The following ZNF574 variants were observed in gnomAD, a reference collection of about 807,000 sequenced individuals.
The protein encoded by ZNF574 is zinc finger protein 574.
Under a neutral mutation model 56.6 loss-of-function variants are expected in ZNF574, and 25 were observed. The ratio of observed to expected loss-of-function variants is 0.44; its 90% CI spans 0.32 to 0.62. ZNF574 has a LOEUF of 0.62. ZNF574 is among the 20% of genes least tolerant of loss of function. The probability of loss-of-function intolerance (pLI) is 0.04; values close to 1 mark genes in which losing one functional copy is unlikely to be tolerated. For synonymous variants in ZNF574, 543 were observed against 492.1 expected (o/e 1.10, Z -1.37); for missense variants, 1,065 against 1,218.9 (o/e 0.87, Z 1.88).
upstream of ZNF574, among the ~76,000 whole-genome samples, chr19:42,072,393 C>A (rs191141441): frequency 1.9e-4 from 29 of 151,744 alleles, no homozygotes; most frequent in East Asian, 5.5e-3. Context: ...CACCACCACA[C>A]CCGGCTAACT....
Position 42,079,617 on chromosome 19 carries a change from G to A in ZNF574, c.1011G>A (p.Lys337=), listed in dbSNP as rs977553458. The change falls in exon 2 of 2, where the codon AAG becomes AAA. Residue 337 remains lysine (K), a synonymous_variant. Transcript: ENST00000359044. The surrounding 1 kb of genome is among the most constrained non-coding windows in gnomAD (Gnocchi z 4.3). ...GGAGTCACCGGGAGGGCGTCTTTAA[G>A]TGCCCCCTGTGCAGTCGTGTCTTCC... ...HLRSHREGVF[K]CPLCSRVFPS... is the part of the protein sequence containing the mutation. The A allele has an allele frequency of 3.7e-6, 6 of 1,614,076 alleles. No individual in the cohort carries two copies. In the African/African-American group the frequency reaches 5.3e-5, roughly 14 times the overall value.
At chr19:42,070,169 T>TGCCC (rs1402425979) in intron 1 of ZNF574, among the ~76,000 whole-genome samples, 1 of 151,730 alleles carries the variant, frequency 6.6e-6, no homozygotes, top group African/African-American at 2.4e-5. Flanking sequence ...GCCGCCTGCC[T>TGCCC]GCCCGCCTGC....
upstream of ZNF574, among the ~76,000 whole-genome samples, chr19:42,071,282 G>A (rs1391576441): frequency 3.5e-5 from 5 of 141,458 alleles, no homozygotes; most frequent in Non-Finnish European, 7.7e-5. Context: ...GGGGTGGGTG[G>A]TGCATGGCTG....
upstream of ZNF574, among the ~76,000 whole-genome samples, chr19:42,072,169 T>C (rs75003413): frequency 3.1e-4 from 47 of 152,040 alleles, no homozygotes; most frequent in East Asian, 9.1e-3. Flanking sequence ...CCAAATCAAG[T>C]TGAGAAGTCC....
At chr19:42,068,996 G>C (rs756906082) in intron 1 of ZNF574, 2 of 533,542 alleles carry the variant, frequency 3.7e-6, no homozygotes, top group Non-Finnish European at 6.7e-6. Context: ...AATCAGCCCC[G>C]TAGGACCCCA....
upstream of ZNF574, among the ~76,000 whole-genome samples, chr19:42,071,243 A>C (rs1200803607): frequency 1.4e-5 from 2 of 141,274 alleles, no homozygotes; most frequent in Non-Finnish European, 3.1e-5. Context: ...AGGGGGATGG[A>C]AGAGAGAAGC....
chr19:42,072,894 G>C (rs1467237616), upstream of ZNF574, among the ~76,000 whole-genome samples: 1 of 152,200 alleles, frequency 6.6e-6, no homozygotes, highest in Non-Finnish European at 1.5e-5. Context: ...GTGGGGAAAA[G>C]GAGGTTTCAG....
At chr19:42,075,809 A>G (rs779293256), upstream of ZNF574, among the ~76,000 whole-genome samples, 3 of 150,256 alleles carry the variant, frequency 2.0e-5, no homozygotes, top group African/African-American at 7.3e-5. Flanking sequence ...GGCGTCCCCA[A>G]AATGGCGCCC....
chr19:42,079,625 T>C lies in ZNF574; in HGVS notation c.1019T>C (p.Leu340Pro), dbSNP rs2076482210. ...CGGGAGGGCGTCTTTAAGTGCCCCCTGTGCAGTCGTGTCTTCCCTAGCCCT... is the reference window on the plus strand; with the variant it reads ...CGGGAGGGCGTCTTTAAGTGCCCCCCGTGCAGTCGTGTCTTCCCTAGCCCT... The part of the protein sequence containing the change: ...SHREGVFKCP[L>P]CSRVFPSPSS... Residue 340 changes from leucine to proline, a missense_variant, in exon 2 of 2, where the codon CTG (leucine) becomes CCG (proline). Physicochemically the swap from Leu to Pro is moderately conservative, Grantham distance 98. Transcript: ENST00000359044. The surrounding 1 kb of genome is among the most constrained non-coding windows in gnomAD (Gnocchi z 4.3). The C allele has an allele frequency of 6.2e-7, 1 of 1,614,176 alleles. No homozygotes were observed. The highest frequency in any genetic ancestry group is 8.5e-7 in the Non-Finnish European group (1 of 1,180,018).
rs144736798 is a variant in ZNF574 at position 42,070,498 on chromosome 19, GAGA to G, written c.250+1540_250+1542del. ...GAGATGAGAGGCAAGAAGACCCAGGGAGAAGGCCACTGAGATGAGGGGAGAGGG... is the reference window on the plus strand; with the variant it reads ...GAGATGAGAGGCAAGAAGACCCAGGGAGGCCACTGAGATGAGGGGAGAGGG... On this transcript the variant is annotated intron_variant, in intron 1 of 1. Coordinates refer to the ZNF574 transcript ENST00000222339. The G allele has an allele frequency of 9.0e-3, 1,378 of 153,218 alleles. 12 individuals are homozygous for G. Among genetic ancestry groups the G allele is most frequent in the Non-Finnish European group, 0.015 (1,052 of 68,606 alleles). 9.5% of individuals were successfully genotyped at this position (153,218 alleles called of 1,614,324 possible).
At position 42,079,755 on chromosome 19, in the gene ZNF574, G is replaced by A; in HGVS notation, c.1149G>A (p.Arg383=). ...FGTEALLLAH[R]RAHTPNPLHS... is the part of the protein sequence containing the mutation. ...CAGAGGCCCTCCTCCTGGCCCACCG[G>A]CGAGCCCACACCCCGAATCCTCTGC... is the stretch of plus-strand genomic sequence containing the variant. The change falls in exon 2 of 2, where the codon CGG becomes CGA. Residue 383 remains arginine, a synonymous_variant. Coordinates refer to ENST00000359044, the MANE Select transcript of ZNF574 (RefSeq NM_022752.6). This position sits in a 1 kb window ranked among gnomAD's most constrained non-coding sequence, Gnocchi z 4.3. The A allele has an allele frequency of 6.2e-7, 1 of 1,614,130 alleles. No individual in the cohort carries two copies. Among genetic ancestry groups the A allele is most frequent in the Non-Finnish European group, 8.5e-7 (1 of 1,180,020 alleles).
chr19:42,080,626 A>G lies in ZNF574; in HGVS notation c.2020A>G (p.Lys674Glu). The G allele has an allele frequency of 6.2e-7, 1 of 1,612,938 alleles. No individual in the cohort carries two copies. Among genetic ancestry groups the G allele is most frequent in the Non-Finnish European group, 8.5e-7 (1 of 1,179,886 alleles). The change falls in exon 2 of 2, where the codon AAG (lysine) becomes GAG (glutamate). Residue 674 changes from lysine to glutamate, a missense_variant. Physicochemically the swap from Lys to Glu is moderately conservative, Grantham distance 56. Coordinates refer to ENST00000359044, the MANE Select transcript of ZNF574 (RefSeq NM_022752.6). The surrounding 1 kb of genome is among the most constrained non-coding windows in gnomAD (Gnocchi z 8.5). The stretch of plus-strand genomic sequence containing the variant: ...GCGCTTTGAGTGTGGCACCTGTGGC[A>G]AGAAAGTGGGCTCAGCTGCTCGACT... ...PRRFECGTCG[K>E]KVGSAARLQA...
upstream of ZNF574, among the ~76,000 whole-genome samples, chr19:42,073,397 A>C (rs1310600239): frequency 1.3e-5 from 2 of 152,152 alleles, no homozygotes; most frequent in Non-Finnish European, 2.9e-5. Flanking sequence ...TAATAAAAAT[A>C]ACAACTGGCC....
At chr19:42,078,483 C>T (rs2076470668) in intron 1 of ZNF574, 104 bp from the exon 2 acceptor site, 2 of 1,022,004 alleles carry the variant, frequency 2.0e-6, no homozygotes, top group Admixed American at 2.3e-5. Flanking sequence ...GAAGGAAGAA[C>T]TTAAGGGGGT....
rs141834053 is a variant in ZNF574 at position 42,079,374 on chromosome 19, G to A, written c.768G>A (p.Ser256=). 4.5e-4 allele frequency: 719 copies of A among 1,613,526 alleles called. 11 individuals carry two copies. The East Asian group carries it at 0.016, about 35-fold the overall frequency. ...EPALQQEVQA[S]SPAEVPVSQP... is the part of the protein sequence containing the mutation. ...CCTTACAGCAGGAGGTGCAGGCCTC[G>A]TCACCTGCAGAGGTGCCTGTGTCTC... Residue 256 remains serine (S), a synonymous_variant, in exon 2 of 2, where the codon TCG becomes TCA. Coordinates refer to ENST00000359044, the MANE Select transcript of ZNF574 (RefSeq NM_022752.6). This position sits in a 1 kb window ranked among gnomAD's most constrained non-coding sequence, Gnocchi z 4.3.
chr19:42,078,858 G>A lies in ZNF574; in HGVS notation c.252G>A (p.Leu84=), dbSNP rs765001878. 1.2e-6 allele frequency: 2 copies of A among 1,614,070 alleles called. No individual in the cohort carries two copies. Among genetic ancestry groups the A allele is most frequent in the Admixed American group, 3.3e-5 (2 of 60,024 alleles). The change falls in exon 2 of 2, where the codon CTG becomes CTA. Residue 84 remains leucine (L), a synonymous_variant. Coordinates refer to ENST00000359044, the MANE Select transcript of ZNF574 (RefSeq NM_022752.6). ...ACCAGTGCCTGGAGTGTGGTCAACT[G>A]CTGATGTCACCCAGCCAGCTCCTGG... is the stretch of plus-strand genomic sequence containing the variant. ...SQYQCLECGQ[L]LMSPSQLLEH...
Position 42,079,769 on chromosome 19 carries a change from C to G in ZNF574, c.1163C>G (p.Pro388Arg). The G allele has an allele frequency of 1.2e-6, 2 of 1,614,148 alleles. No homozygotes were observed. The highest frequency in any genetic ancestry group is 1.1e-5 in the South Asian group (1 of 91,072). The change falls in exon 2 of 2, where the codon CCG becomes CGG. Residue 388 changes from proline to arginine, a missense_variant. Pro to Arg is a moderately radical substitution (Grantham distance 103). Coordinates refer to ENST00000359044, the MANE Select transcript of ZNF574 (RefSeq NM_022752.6). The surrounding 1 kb of genome is among the most constrained non-coding windows in gnomAD (Gnocchi z 4.3). ...LLLAHRRAHT[P>R]NPLHSCPCGK... ...CTGGCCCACCGGCGAGCCCACACCC[C>G]GAATCCTCTGCATTCATGTCCATGT...
upstream of ZNF574, among the ~76,000 whole-genome samples, chr19:42,072,991 T>C (rs1465861142): frequency 2.0e-5 from 3 of 152,272 alleles, no homozygotes; most frequent in Non-Finnish European, 2.9e-5. Context: ...CAGGTGATTT[T>C]GCCCTAAGGG....
At position 42,079,290 on chromosome 19, in the gene ZNF574, T is replaced by C. The variant is rs751809865; in HGVS notation, c.684T>C (p.Asp228=). ...ECSQLFQLPA[D]FLEHQATHFP... is the part of the protein sequence containing the mutation. ...CCCAGCTCTTCCAGCTGCCGGCGGA[T>C]TTCCTGGAGCACCAGGCCACTCACT... is the stretch of plus-strand genomic sequence containing the variant. The change falls in exon 2 of 2, where the codon GAT becomes GAC. Residue 228 remains aspartate (D), a synonymous_variant. Transcript: ENST00000359044. The surrounding 1 kb of genome is among the most constrained non-coding windows in gnomAD (Gnocchi z 4.3). 14 of 1,613,834 alleles carry C rather than the reference T, an allele frequency of 8.7e-6. No individual in the cohort carries two copies. The African/African-American group carries it at 1.9e-4, about 22-fold the overall frequency.
Sources: gnomAD v4.1 joint callset for allele counts (sites outside exome capture counted in the v4.1 genomes callset) on GRCh38, gnomAD v4.1.1 for gene constraint, Gnocchi (gnomAD v3.1) non-coding constraint, MANE v1.5 for transcripts, NCBI Gene and HGNC (gene_info 2026-07-23, HGNC 2026-07-21) for gene names.